The following HK3 variants were observed in gnomAD, a reference collection of about 807,000 sequenced individuals.
HK3 encodes the protein hexokinase 3.
A neutral mutation model predicts 91.0 loss-of-function variants in HK3; 93 were observed. The observed-to-expected ratio is 1.02, with a 90% CI of 0.86 to 1.21. HK3 has a LOEUF of 1.21. HK3 is among the 50% of genes most tolerant of loss of function. The probability of loss-of-function intolerance (pLI) is 0.00; values close to 1 mark genes in which losing one functional copy is unlikely to be tolerated. For synonymous variants in HK3, 519 were observed against 516.9 expected, an observed-to-expected ratio of 1.00 and a Z score of -0.06; for missense variants, 1,235 against 1,247.4, an observed-to-expected ratio of 0.99 and a Z score of 0.15.
chr5:176,881,788 T>C lies in HK3; in HGVS notation c.2297A>G (p.His766Arg), dbSNP rs777546184. The change falls in exon 17 of 19, where the codon CAT becomes CGT. Residue 766 changes from histidine (H) to arginine (R), a missense_variant. Physicochemically the swap from His to Arg is conservative, Grantham distance 29. Coordinates refer to ENST00000292432, the MANE Select transcript of HK3 (RefSeq NM_002115.3). Reference sequence around the variant, plus strand: ...GAAGAGAACGCCAAGGCTGGTTAAATGTAAAAGGATGTGGCGGACGATCTC... The same window carrying C: ...GAAGAGAACGCCAAGGCTGGTTAAACGTAAAAGGATGTGGCGGACGATCTC... ...LGEIVRHILL[H>R]LTSLGVLFRG... is the part of the protein sequence containing the mutation. The C allele has an allele frequency of 6.2e-7, 1 of 1,614,156 alleles. No homozygotes were observed. Among genetic ancestry groups the C allele is most frequent in the African/African-American group, 1.3e-5 (1 of 75,050 alleles).
rs770077768 is a variant in HK3 at position 176,883,882 on chromosome 5, G to A, written c.1954-13C>T. ...TCAGCTCCACTGCCTGCACACAAAA[G>A]GATGCTGCTAGTTGCTGGGCAACGC... On this transcript the variant is annotated splice_polypyrimidine_tract_variant and intron_variant, in intron 14 of 18. Coordinates refer to ENST00000292432, the MANE Select transcript of HK3 (RefSeq NM_002115.3). 6.2e-7 allele frequency: 1 copy of A among 1,613,526 alleles called. No homozygotes were observed. Among genetic ancestry groups the A allele is most frequent in the Admixed American group, 1.7e-5 (1 of 60,026 alleles).
chr5:176,882,697 C>T (rs1196012466), intron 15 of HK3, among the ~76,000 whole-genome samples: 2 of 152,214 alleles, frequency 1.3e-5, no homozygotes, highest in African/African-American at 4.8e-5. Flanking sequence ...ATCAGGAAAG[C>T]AACAGAGAGG....
chr5:176,894,648 C>T (rs953455779), intron 2 of HK3, among the ~76,000 whole-genome samples: 12 of 152,042 alleles, frequency 7.9e-5, no homozygotes, highest in Non-Finnish European at 1.2e-4. Flanking sequence ...TGAAATGCAG[C>T]GAGGGGTAAT....
Position 176,881,940 on chromosome 5 carries a change from A to T in HK3, c.2237+4T>A. Reference sequence around the variant, plus strand: ...AGCCACCACTGCCTGGGCCCAGCCCACACCTCTGCTTGCCGGGGTTGATGG... The same window carrying T: ...AGCCACCACTGCCTGGGCCCAGCCCTCACCTCTGCTTGCCGGGGTTGATGG... On this transcript the variant is annotated splice_donor_region_variant and intron_variant, in intron 16 of 18. Transcript: ENST00000292432. The T allele has an allele frequency of 6.2e-7, 1 of 1,613,498 alleles. No homozygotes were observed. The highest frequency in any genetic ancestry group is 8.5e-7 in the Non-Finnish European group (1 of 1,179,844).
At chr5:176,888,207 C>T (rs993306424) in intron 10 of HK3, 125 bp downstream of exon 10, 3 of 779,644 alleles carry the variant, frequency 3.8e-6, no homozygotes, top group Admixed American at 4.5e-5. Context: ...CAGTCTGGCC[C>T]TCCCTCTGCC....
intron 6 of HK3, among the ~76,000 whole-genome samples, chr5:176,890,267 C>G (rs535313427): frequency 6.6e-6 from 1 of 152,342 alleles, no homozygotes; most frequent in East Asian, 1.9e-4. Context: ...GATCAAAGAG[C>G]CAGTGCTTCC....
At chr5:176,891,222 G>A in intron 3 of HK3, 31 bp from the exon 4 acceptor site, 1 of 1,614,002 alleles carries the variant, frequency 6.2e-7, no homozygotes, top group Non-Finnish European at 8.5e-7. Context: ...AGAAAGCCAT[G>A]CAGCTGGCAA....
intron 2 of HK3, among the ~76,000 whole-genome samples, chr5:176,891,947 C>T (rs558753873): frequency 6.6e-6 from 1 of 152,298 alleles, no homozygotes; most frequent in Admixed American, 6.5e-5. Flanking sequence ...AACAAATGCA[C>T]GAACAAACTT....
Position 176,881,157 on chromosome 5 carries a change from G to A in HK3, c.2688C>T (p.Phe896=). 6.2e-7 allele frequency: 1 copy of A among 1,613,146 alleles called. No homozygotes were observed. Among genetic ancestry groups the A allele is most frequent in the African/African-American group, 1.3e-5 (1 of 75,064 alleles). The change falls in exon 19 of 19, where the codon TTC becomes TTT. Residue 896 remains phenylalanine (F), a synonymous_variant. Coordinates refer to ENST00000292432, the MANE Select transcript of HK3 (RefSeq NM_002115.3). ...RELAPRCVVT[F]LQSEDGSGKG... ...TGCCGGACCCATCCTCTGACTGCAG[G>A]AACGTGACCACACAGCGAGGGGCCA... is the stretch of plus-strand genomic sequence containing the variant.
chr5:176,896,829 C>T (rs1274002843), intron 1 of HK3, among the ~76,000 whole-genome samples: 1 of 152,168 alleles, frequency 6.6e-6, no homozygotes, highest in Non-Finnish European at 1.5e-5. Flanking sequence ...TGAATTTCAG[C>T]TTCCATCCAT....
chr5:176,890,826 T>C lies in HK3; in HGVS notation c.530A>G (p.Asp177Gly). 1.2e-6 allele frequency: 2 copies of C among 1,614,158 alleles called. No homozygotes were observed. Among genetic ancestry groups the C allele is most frequent in the African/African-American group, 1.3e-5 (1 of 75,062 alleles). Residue 177 changes from aspartate (D) to glycine (G), a missense_variant, in exon 5 of 19, where the codon GAC (aspartate) becomes GGC (glycine). Asp to Gly is a moderately conservative substitution (Grantham distance 94). Transcript: ENST00000292432. ...CCCATGTCCACTCCACCTCACCCTG[T>C]CCAAGCCCGTCTGGTGACAAGGGAA... The part of the protein sequence containing the change: ...FSFPCHQTGL[D>G]RSTLISWTKG...
At chr5:176,890,789 T>C in intron 5 of HK3, 33 bp downstream of exon 5, 1 of 1,614,196 alleles carries the variant, frequency 6.2e-7, no homozygotes. Context: ...GCAGCCACCC[T>C]CTACCCAGCG....
At chr5:176,890,566 G>T in intron 6 of HK3, 69 bp downstream of exon 6, 1 of 1,339,600 alleles carries the variant, frequency 7.5e-7, no homozygotes, top group Non-Finnish European at 1.1e-6. Context: ...CAGAAGCCCA[G>T]ACCCAACGCA....
In HK3 at chr5:176,891,525, T is replaced by C. The variant is rs146241215; in HGVS notation, c.122A>G (p.Lys41Arg). ...ELVQECLQQF[K>R]VTRAQLQQIQ... ...CTGCTGTAGCTGTGCCCTTGTCACC[T>C]TGAACTGCTGCAGGCACTCCTGCAC... Residue 41 changes from lysine to arginine, a missense_variant, in exon 3 of 19, where the codon AAG (lysine) becomes AGG (arginine). Lys to Arg is a conservative substitution (Grantham distance 26). Coordinates refer to ENST00000292432, the MANE Select transcript of HK3 (RefSeq NM_002115.3). 6.2e-7 allele frequency: 1 copy of C among 1,613,594 alleles called. No homozygotes were observed.
chr5:176,898,282 C>T (rs1414965698), intron 1 of HK3, among the ~76,000 whole-genome samples: 1 of 152,178 alleles, frequency 6.6e-6, no homozygotes, highest in Non-Finnish European at 1.5e-5. Flanking sequence ...TGTGCCTTTC[C>T]AAAATTGGAA....
chr5:176,889,329 G>A (rs1326002007), intron 8 of HK3, 52 bp downstream of exon 8: 3 of 1,564,458 alleles, frequency 1.9e-6, no homozygotes, highest in South Asian at 2.3e-5. Context: ...TGGGAGCAGA[G>A]CAGTCATAGA....
At chr5:176,893,165 C>T (rs1758821089) in intron 2 of HK3, among the ~76,000 whole-genome samples, 1 of 152,176 alleles carries the variant, frequency 6.6e-6, no homozygotes, top group Admixed American at 6.5e-5. Flanking sequence ...GAAACGGAGA[C>T]TCCGAGAGGG....
At position 176,887,647 on chromosome 5, in the gene HK3, C is replaced by CATCT; in HGVS notation, c.1403_1404insAGAT (p.Met468IlefsTer29). On this transcript the variant is annotated frameshift_variant, in exon 11 of 19. Transcript: ENST00000292432. LOFTEE classifies it high-confidence loss of function. The surrounding 1 kb of genome is among the most constrained non-coding windows in gnomAD (Gnocchi z 4.9). ...CCAGACGGGCAGCCACGGCAGTCAC[C>CATCT]ATCGCCACTCCCCGGCCACCACCAT... The CATCT allele has an allele frequency of 6.2e-7, 1 of 1,613,736 alleles. No individual in the cohort carries two copies. The highest frequency in any genetic ancestry group is 8.5e-7 in the Non-Finnish European group (1 of 1,179,964).
rs756790152 is a variant in HK3 at position 176,891,107 on chromosome 5, C to T, written c.344G>A (p.Gly115Glu). The T allele has an allele frequency of 1.9e-6, 3 of 1,614,012 alleles. No individual in the cohort carries two copies. The South Asian group carries it at 3.3e-5, about 18-fold the overall frequency. ...CTGGCTTCTGGGCTCCACCCTATGC[C>T]CCTCAATGCCAGTTAGAGTCACCCA... ...VLWVTLTGIE[G>E]HRVEPRSQEF... Residue 115 changes from glycine (G) to glutamate (E), a missense_variant, in exon 4 of 19, where the codon GGG becomes GAG. Gly to Glu is a moderately conservative substitution (Grantham distance 98). Transcript: ENST00000292432.
Sources: gnomAD v4.1 joint callset for allele counts (sites outside exome capture counted in the v4.1 genomes callset) on GRCh38, gnomAD v4.1.1 for gene constraint, Gnocchi (gnomAD v3.1) non-coding constraint, MANE v1.5 for transcripts, NCBI Gene and HGNC (gene_info 2026-07-23, HGNC 2026-07-21) for gene names.